The following MAGI1 variants were observed in gnomAD, a reference collection of about 807,000 sequenced individuals.
The protein encoded by MAGI1 is membrane-associated guanylate kinase, WW and PDZ domain-containing protein 1.
MAGI1 carries 58 observed loss-of-function variants against 139.9 expected under a neutral mutation model. The ratio of observed to expected loss-of-function variants is 0.41; its 90% CI spans 0.34 to 0.52. MAGI1 has a LOEUF of 0.52. Among genes scored for constraint, MAGI1 ranks in the 20% least tolerant of loss-of-function variants. The probability of loss-of-function intolerance (pLI) is 0.12; values close to 1 mark genes in which losing one functional copy is unlikely to be tolerated. For synonymous variants in MAGI1, 812 were observed against 737.9 expected (o/e 1.10, Z -1.63); for missense variants, 1,874 against 1,901.6 (o/e 0.99, Z 0.27).
At chr3:65,831,743 T>G (rs17073925) in intron 1 of MAGI1, among the ~76,000 whole-genome samples, 8,434 of 152,298 alleles carry the variant, frequency 0.055, 307 homozygotes, top group African/African-American at 0.099. Context: ...AGAATTTACT[T>G]GTGTGAATGG....
chr3:65,736,201 A>G (rs1355520121), intron 1 of MAGI1, among the ~76,000 whole-genome samples: 1 of 152,166 alleles, frequency 6.6e-6, no homozygotes, highest in Non-Finnish European at 1.5e-5. Context: ...TTTGATTTCT[A>G]TCATTCTATT....
At chr3:65,747,130 G>A (rs1013356592) in intron 1 of MAGI1, among the ~76,000 whole-genome samples, 5 of 152,160 alleles carry the variant, frequency 3.3e-5, no homozygotes, top group African/African-American at 1.2e-4. Flanking sequence ...GTAAGACCGT[G>A]TCTCAGTCAC....
At chr3:65,812,480 A>ACACACACACACACACACC (rs72383320) in intron 1 of MAGI1, among the ~76,000 whole-genome samples, 1 of 146,110 alleles carries the variant, frequency 6.8e-6, no homozygotes, top group Non-Finnish European at 1.5e-5. Flanking sequence ...ACACACACAC[A>ACACACACACACACACACC]CACACACACA....
intron 6 of MAGI1, among the ~76,000 whole-genome samples, chr3:65,451,917 A>C (rs1413447984): frequency 5.3e-5 from 8 of 152,062 alleles, no homozygotes; most frequent in African/African-American, 1.9e-4. Flanking sequence ...CAAAGTGCTG[A>C]GATTACAGGT....
intron 15 of MAGI1, among the ~76,000 whole-genome samples, chr3:65,382,981 C>T (rs186321120): frequency 2.3e-4 from 35 of 152,258 alleles, no homozygotes; most frequent in Non-Finnish European, 3.1e-4. Flanking sequence ...TTCAAAGGAA[C>T]CCTGTTATGT....
intron 1 of MAGI1, among the ~76,000 whole-genome samples, chr3:66,024,321 A>T (rs1033337837): frequency 4.1e-5 from 6 of 147,914 alleles, no homozygotes; most frequent in African/African-American, 1.5e-4. Context: ...TCATTAAAAA[A>T]AAAAAAAAAA....
chr3:65,494,364 T>TA (rs376058231), intron 2 of MAGI1, among the ~76,000 whole-genome samples: 46 of 152,188 alleles, frequency 3.0e-4, no homozygotes, highest in African/African-American at 1.1e-3. Flanking sequence ...GCATCCAGAG[T>TA]AAAAAAGTCA....
At chr3:65,626,599 C>G (rs2083984925) in intron 1 of MAGI1, among the ~76,000 whole-genome samples, 1 of 152,176 alleles carries the variant, frequency 6.6e-6, no homozygotes, top group African/African-American at 2.4e-5. Context: ...GCTGGGATTA[C>G]AAGTGTGAGC....
At chr3:65,697,003 A>G (rs1360273213) in intron 1 of MAGI1, among the ~76,000 whole-genome samples, 1 of 152,240 alleles carries the variant, frequency 6.6e-6, no homozygotes, top group African/African-American at 2.4e-5. Flanking sequence ...GAAAAGAGAG[A>G]AGAATCAAAT....
intron 14 of MAGI1, among the ~76,000 whole-genome samples, chr3:65,388,657 T>C (rs138284974): frequency 1.3e-5 from 2 of 152,214 alleles, no homozygotes; most frequent in African/African-American, 4.8e-5. Context: ...ATCATTATCC[T>C]CATTTAGTAG....
At chr3:65,614,088 G>GT (rs2083253296) in intron 2 of MAGI1, among the ~76,000 whole-genome samples, 1 of 152,084 alleles carries the variant, frequency 6.6e-6, no homozygotes, top group Admixed American at 6.6e-5. Flanking sequence ...AACAAAACTG[G>GT]TAAGTGGTAG....
intron 12 of MAGI1, among the ~76,000 whole-genome samples, chr3:65,406,217 A>C (rs1186096522): frequency 6.6e-6 from 1 of 151,918 alleles, no homozygotes; most frequent in Non-Finnish European, 1.5e-5. Context: ...ATTAAATGTA[A>C]ATACGGAAGA....
intron 13 of MAGI1, 45 bp downstream of exon 13, chr3:65,401,394 T>G: frequency 2.2e-6 from 1 of 451,846 alleles, no homozygotes; most frequent in Non-Finnish European, 4.2e-6. Context: ...CCCCCCACCA[T>G]CCACCCCAGC....
chr3:65,756,023 T>A (rs756677130), intron 1 of MAGI1, among the ~76,000 whole-genome samples: 9 of 152,208 alleles, frequency 5.9e-5, no homozygotes, highest in Non-Finnish European at 1.3e-4. Context: ...ATTTCAACTT[T>A]CACAATGAAA....
chr3:65,481,353 T>C (rs1250653082), intron 3 of MAGI1, among the ~76,000 whole-genome samples: 1 of 152,202 alleles, frequency 6.6e-6, no homozygotes, highest in African/African-American at 2.4e-5. Flanking sequence ...GGATGTCTCA[T>C]GCCTTCATTG....
At chr3:65,425,557 T>C (rs764127189) in intron 12 of MAGI1, among the ~76,000 whole-genome samples, 1 of 152,204 alleles carries the variant, frequency 6.6e-6, no homozygotes, top group African/African-American at 2.4e-5. Context: ...AGGGTAGAAG[T>C]AGTACCCTTC....
intron 17 of MAGI1, among the ~76,000 whole-genome samples, chr3:65,377,988 T>C (rs747176496): frequency 7.4e-4 from 113 of 152,232 alleles, no homozygotes; most frequent in Admixed American, 4.4e-3. Flanking sequence ...TCCATGTGGA[T>C]AAGTCATTCA....
Position 65,486,900 on chromosome 3 carries a change from C to CA in MAGI1, c.550+6611_550+6612insT, listed in dbSNP as rs1951672995. Among the ~76,000 whole-genome samples, 3 of 152,266 alleles carry CA rather than the reference C, an allele frequency of 2.0e-5. No individual in the cohort carries two copies. The South Asian group carries it at 6.2e-4, about 32-fold the overall frequency. On this transcript the variant is annotated intron_variant, in intron 3 of 22. Transcript: ENST00000402939. ...TTTCACAAATGGTACCACTATCTAT[C>CA]CAGTAATAGAAGACAGAAACTAGGA...
At chr3:65,806,630 T>A (rs1255495066) in intron 1 of MAGI1, among the ~76,000 whole-genome samples, 1 of 152,202 alleles carries the variant, frequency 6.6e-6, no homozygotes, top group Admixed American at 6.5e-5. Flanking sequence ...TCCCCAATCA[T>A]TCATTGCTCA....
Sources: gnomAD v4.1 joint callset for allele counts (sites outside exome capture counted in the v4.1 genomes callset) on GRCh38, gnomAD v4.1.1 for gene constraint, MANE v1.5 for transcripts, NCBI Gene and HGNC (gene_info 2026-07-23, HGNC 2026-07-21) for gene names.